The following FGFBP1 variants were observed in gnomAD, a reference collection of about 807,000 sequenced individuals.
The protein encoded by FGFBP1 is fibroblast growth factor binding protein 1, also known as fibroblast growth factor-binding protein 1.
Under a neutral mutation model 14.6 loss-of-function variants are expected in FGFBP1, and 12 were observed. That is an observed-to-expected ratio of 0.82 (90% CI 0.53 to 1.33). The LOEUF (loss-of-function observed/expected upper bound fraction) is 1.33. Among genes scored for constraint, FGFBP1 ranks in the 40% most tolerant of loss-of-function variants. The pLI, the probability that FGFBP1 is intolerant of heterozygous loss-of-function variation, is 0.00. For synonymous variants in FGFBP1, 117 were observed against 105.0 expected (o/e 1.11, Z -0.70); for missense variants, 317 against 271.8 (o/e 1.17, Z -1.17).
At position 15,936,373 on chromosome 4, in the gene FGFBP1, T is replaced by C. The variant is rs551313767; in HGVS notation, c.260A>G (p.Gln87Arg). 8.6e-5 allele frequency: 139 copies of C among 1,614,206 alleles called. 1 individual carries two copies. In the South Asian group the frequency reaches 1.4e-3, roughly 17 times the overall value. Residue 87 changes from glutamine (Q) to arginine (R), a missense_variant, in exon 3 of 3, where the codon CAA becomes CGA. Gln to Arg is a conservative substitution (Grantham distance 43, BLOSUM62 1). Transcript: ENST00000382333. ...GACACAGGAAAATTCATGGTCCAAT[T>C]GAGTGCACTCAACCTTGAGAGAGAT... ...EGISLKVECT[Q>R]LDHEFSCVFA... is the part of the protein sequence containing the mutation.
In FGFBP1 at chr4:15,935,978, T is replaced by G; in HGVS notation, c.655A>C (p.Ser219Arg). The change falls in exon 3 of 3, where the codon AGC becomes CGC. Residue 219 changes from serine (S) to arginine (R), a missense_variant. Transcript: ENST00000382333. ...CTGAGGAAGAATGTGCAGAGAGAGC[T>G]CCAAGTCTCTCCACAGAACTCCAGG... is the stretch of plus-strand genomic sequence containing the variant. Reference protein sequence around the residue: ...TALEFCGETWSSLCTFFLSIV... With the variant: ...TALEFCGETWRSLCTFFLSIV... 6.2e-7 allele frequency: 1 copy of G among 1,613,822 alleles called. No individual in the cohort carries two copies. Among genetic ancestry groups the G allele is most frequent in the Non-Finnish European group, 8.5e-7 (1 of 1,179,872 alleles).
rs1712456484 is a variant in FGFBP1 at position 15,935,647 on chromosome 4, C to G, written c.*281G>C. On this transcript the variant is annotated 3_prime_UTR_variant, in exon 3 of 3. Transcript: ENST00000382333. ...AAAGTTCGTTGCACTGAAATTATCA[C>G]TCTGGCTCATTCAGCTCAAAGACTC... 3.4e-6 allele frequency: 1 copy of G among 298,196 alleles called. No homozygotes were observed. 18.5% of individuals were successfully genotyped at this position (298,196 alleles called of 1,614,324 possible).
In FGFBP1 at chr4:15,938,488, G is replaced by A. The variant is rs1389567776; in HGVS notation, c.-241-17C>T. The stretch of plus-strand genomic sequence containing the variant: ...GGGAAAGTGCTGGATGTAATCCAGT[G>A]AAAAGGGGGGTTACCTGCATGCCAT... On this transcript the variant is annotated splice_polypyrimidine_tract_variant and intron_variant, in intron 1 of 2. Coordinates refer to ENST00000382333, the MANE Select transcript of FGFBP1 (RefSeq NM_005130.5). 1 of 152,418 alleles carries A rather than the reference G, an allele frequency of 6.6e-6. No homozygotes were observed. The highest frequency in any genetic ancestry group is 2.4e-5 in the African/African-American group (1 of 41,436). 9.4% of individuals were successfully genotyped at this position (152,418 alleles called of 1,614,324 possible).
chr4:15,937,079 C>A (rs978967064), intron 2 of FGFBP1, among the ~76,000 whole-genome samples: 2 of 152,174 alleles, frequency 1.3e-5, no homozygotes, highest in Non-Finnish European at 2.9e-5. Flanking sequence ...TAGCATTGAT[C>A]AGGGAATCTA....
In FGFBP1 at chr4:15,935,815, C is replaced by G; in HGVS notation, c.*113G>C. 1.6e-6 allele frequency: 1 copy of G among 635,902 alleles called. No individual in the cohort carries two copies. The highest frequency in any genetic ancestry group is 2.6e-6 in the Non-Finnish European group (1 of 382,610). The allele number at this position is 635,902 out of a possible 1,614,324, so 39.4% of individuals were successfully genotyped here. A position where few individuals can be genotyped will look rare whatever the true frequency, so the allele number is the denominator to read the frequency against. ...CAAAACTTGTTTAAATATTTCGTTG[C>G]ACTCACTAAGCACAAAAGTTCATAT... is the stretch of plus-strand genomic sequence containing the variant. On this transcript the variant is annotated 3_prime_UTR_variant, in exon 3 of 3. Transcript: ENST00000382333.
At chr4:15,937,032 G>C (rs1712514406) in intron 2 of FGFBP1, among the ~76,000 whole-genome samples, 1 of 152,116 alleles carries the variant, frequency 6.6e-6, no homozygotes, top group African/African-American at 2.4e-5. Flanking sequence ...CCTCAGATTT[G>C]AAAGAGCTTA....
At position 15,935,701 on chromosome 4, in the gene FGFBP1, G is replaced by A. The variant is rs368802802; in HGVS notation, c.*227C>T. 6 of 422,016 alleles carry A rather than the reference G, an allele frequency of 1.4e-5. No homozygotes were observed. Among genetic ancestry groups the A allele is most frequent in the African/African-American group, 1.2e-4 (6 of 50,116 alleles). The allele number at this position is 422,016 out of a possible 1,614,324, so 26.1% of individuals were successfully genotyped here. A position where few individuals can be genotyped will look rare whatever the true frequency, so the allele number is the denominator to read the frequency against. On this transcript the variant is annotated 3_prime_UTR_variant, in exon 3 of 3. Coordinates refer to ENST00000382333, the MANE Select transcript of FGFBP1 (RefSeq NM_005130.5). ...GCTGCTCAAACACATAGCTGTGTGG[G>A]CCATGGAAATACATGCTGCAGGAAA...
intron 1 of FGFBP1, 31 bp from the exon 2 acceptor site, chr4:15,938,502 C>T (rs563956043): frequency 5.2e-5 from 8 of 152,606 alleles, no homozygotes; most frequent in African/African-American, 1.9e-4. Context: ...AGGGGGGTTA[C>T]CTGCATGCCA....
Position 15,936,232 on chromosome 4 carries a change from A to G in FGFBP1, c.401T>C (p.Val134Ala), listed in dbSNP as rs377297816. 2 of 1,614,086 alleles carry G rather than the reference A, an allele frequency of 1.2e-6. No homozygotes were observed. The highest frequency in any genetic ancestry group is 2.7e-5 in the African/African-American group (2 of 74,934). Residue 134 changes from valine to alanine, a missense_variant, in exon 3 of 3, where the codon GTG (valine) becomes GCG (alanine). Transcript: ENST00000382333. ...ATCCTTTCTGCACACTCTGGTTTTC[A>G]CAGCTGTCTTGGAATATCTACAGAT... is the stretch of plus-strand genomic sequence containing the variant. The part of the protein sequence containing the change: ...KDICRYSKTA[V>A]KTRVCRKDFP...
Position 15,935,796 on chromosome 4 carries a change from T to C in FGFBP1, c.*132A>G, listed in dbSNP as rs1449928979. On this transcript the variant is annotated 3_prime_UTR_variant, in exon 3 of 3. Transcript: ENST00000382333. Reference sequence around the variant, plus strand: ...AACACAAAAGCAAAAAATACAAAACTTGTTTAAATATTTCGTTGCACTCAC... The same window carrying C: ...AACACAAAAGCAAAAAATACAAAACCTGTTTAAATATTTCGTTGCACTCAC... 6.7e-6 allele frequency: 4 copies of C among 592,660 alleles called. No individual in the cohort carries two copies. The highest frequency in any genetic ancestry group is 2.8e-5 in the Admixed American group (1 of 36,226). 36.7% of individuals were successfully genotyped at this position (592,660 alleles called of 1,614,324 possible). A position where few individuals can be genotyped will look rare whatever the true frequency, so the allele number is the denominator to read the frequency against.
intron 2 of FGFBP1, among the ~76,000 whole-genome samples, chr4:15,937,137 T>C (rs757774030): frequency 6.6e-6 from 1 of 152,274 alleles, no homozygotes; most frequent in Non-Finnish European, 1.5e-5. Context: ...GCTCCAAACT[T>C]TCAGCTCCAA....
At position 15,936,610 on chromosome 4, in the gene FGFBP1, A is replaced by G. The variant is rs754709808; in HGVS notation, c.23T>C (p.Leu8Pro). The G allele has an allele frequency of 1.9e-6, 3 of 1,610,920 alleles. No individual in the cohort carries two copies. In the Admixed American group the frequency reaches 5.0e-5, roughly 27 times the overall value. The change falls in exon 3 of 3, where the codon CTG becomes CCG. Residue 8 changes from leucine (L) to proline (P), a missense_variant. Physicochemically the swap from Leu to Pro is moderately conservative, Grantham distance 98. Transcript: ENST00000382333. Reference sequence around the variant, plus strand: ...AGCAGCCAGTAGGAGGAAGGAGAGCAGGGTGAGGCTACAGATCTTCATGGC... The same window carrying G: ...AGCAGCCAGTAGGAGGAAGGAGAGCGGGGTGAGGCTACAGATCTTCATGGC... MKICSLT[L>P]LSFLLLAAQV...
intron 2 of FGFBP1, 48 bp from the exon 3 acceptor site, chr4:15,936,700 G>C: frequency 1.7e-6 from 2 of 1,196,152 alleles, no homozygotes; most frequent in Non-Finnish European, 2.4e-6. Context: ...CAGTTCAGCT[G>C]TGCAGGACTA....
rs76765884 is a variant in FGFBP1, at chr4:15,936,367, T to A, written c.266A>T (p.Asp89Val). Residue 89 changes from aspartate (D) to valine (V), a missense_variant, in exon 3 of 3, where the codon GAC becomes GTC. Transcript: ENST00000382333. The part of the protein sequence containing the change: ...ISLKVECTQL[D>V]HEFSCVFAGN... ...AGCAAAGACACAGGAAAATTCATGG[T>A]CCAATTGAGTGCACTCAACCTTGAG... The A allele has an allele frequency of 7.9e-4, 1,276 of 1,614,130 alleles. 6 individuals are homozygous for A. The African/African-American group carries it at 0.016, about 20-fold the overall frequency.
In FGFBP1 at chr4:15,936,077, C is replaced by G. The variant is rs1345955049; in HGVS notation, c.556G>C (p.Val186Leu). ...GCTTTGGTGGCCATGGTCTGGGTCA[C>G]TGCTAGGCTAGAGGGGGTGGTCTCT... ...GKETTPSSLA[V>L]TQTMATKAPE... The change falls in exon 3 of 3, where the codon GTG becomes CTG. Residue 186 changes from valine (V) to leucine (L), a missense_variant. Val to Leu is a conservative substitution (Grantham distance 32). Coordinates refer to ENST00000382333, the MANE Select transcript of FGFBP1 (RefSeq NM_005130.5). 6.2e-7 allele frequency: 1 copy of G among 1,614,132 alleles called. No individual in the cohort carries two copies. Among genetic ancestry groups the G allele is most frequent in the South Asian group, 1.1e-5 (1 of 91,086 alleles).
rs1712543938 is a variant in FGFBP1 at position 15,938,268 on chromosome 4, G to A, written c.-38C>T. ...GCTCTTACCTTGTTCTGAGCACACG[G>A]ATCCAGTGCAATCCCAGGCAGTGCG... On this transcript the variant is annotated 5_prime_UTR_variant, in exon 2 of 3. Coordinates refer to ENST00000382333, the MANE Select transcript of FGFBP1 (RefSeq NM_005130.5). 6.6e-6 allele frequency: 1 copy of A among 152,334 alleles called. No individual in the cohort carries two copies. The highest frequency in any genetic ancestry group is 2.4e-5 in the African/African-American group (1 of 41,466). 9.4% of individuals were successfully genotyped at this position (152,334 alleles called of 1,614,324 possible).
chr4:15,937,463 A>T (rs945650630), intron 2 of FGFBP1, among the ~76,000 whole-genome samples: 4 of 152,242 alleles, frequency 2.6e-5, no homozygotes, highest in African/African-American at 9.6e-5. Context: ...GACAAGGATC[A>T]TGAGAAATCA....
In FGFBP1 at chr4:15,936,477, GC is replaced by G; in HGVS notation, c.155del (p.Ser52ThrfsTer53). On this transcript the variant is annotated frameshift_variant, in exon 3 of 3. Coordinates refer to ENST00000382333, the MANE Select transcript of FGFBP1 (RefSeq NM_005130.5). LOFTEE classifies it high-confidence loss of function. ...CAAACTTGCCTTTGTTCCCGGGCCT[GC>G]TTTTCTGCTTAATCTGGGTGTTGCC... ...TLGNTQIKQK[S>X]RPGNKGKFVT... 6.2e-7 allele frequency: 1 copy of G among 1,614,192 alleles called. No individual in the cohort carries two copies. The highest frequency in any genetic ancestry group is 8.5e-7 in the Non-Finnish European group (1 of 1,180,034).
chr4:15,936,865 G>A (rs1490435745), intron 2 of FGFBP1, among the ~76,000 whole-genome samples: 1 of 152,148 alleles, frequency 6.6e-6, no homozygotes, highest in Non-Finnish European at 1.5e-5. Context: ...ACTCTTTGGA[G>A]CCTCACGAAC....
Sources: gnomAD v4.1 joint callset for allele counts (sites outside exome capture counted in the v4.1 genomes callset) on GRCh38, gnomAD v4.1.1 for gene constraint, MANE v1.5 for transcripts, NCBI Gene and HGNC (gene_info 2026-07-23, HGNC 2026-07-21) for gene names.